KIAA1958: variants seen among roughly 807,000 people sequenced by gnomAD.
KIAA1958 encodes the protein uncharacterized protein KIAA1958.
Under a neutral mutation model 47.2 loss-of-function variants are expected in KIAA1958, and 14 were observed. The observed-to-expected ratio is 0.30, with a 90% CI of 0.20 to 0.46. The LOEUF is 0.46. Among genes scored for constraint, KIAA1958 ranks in the 20% least tolerant of loss-of-function variants. The probability of loss-of-function intolerance (pLI) is 1.00; values close to 1 mark genes in which losing one functional copy is unlikely to be tolerated. For missense variants in KIAA1958, 803 were observed against 909.2 expected (o/e 0.88, Z 1.50); for synonymous variants, 354 against 353.3 (o/e 1.00, Z -0.02).
chr9:112,507,852 T>C (rs1834257482), intron 1 of KIAA1958, among the ~76,000 whole-genome samples: 1 of 152,032 alleles, frequency 6.6e-6, no homozygotes, highest in Admixed American at 6.6e-5. Context: ...AGGCTGGTCT[T>C]GACTTCCTGG....
chr9:112,600,090 A>C (rs1836103371), intron 2 of KIAA1958, among the ~76,000 whole-genome samples: 1 of 152,212 alleles, frequency 6.6e-6, no homozygotes, highest in South Asian at 2.1e-4. Flanking sequence ...TCTTATTGTG[A>C]TTAATATAGT....
intron 2 of KIAA1958, among the ~76,000 whole-genome samples, chr9:112,588,929 T>A (rs946124139): frequency 6.6e-6 from 1 of 151,964 alleles, no homozygotes; most frequent in Middle Eastern, 3.2e-3. Flanking sequence ...TGCTGAAAAT[T>A]TCTTTCCTCT....
chr9:112,603,376 G>A (rs1300914439), intron 2 of KIAA1958, among the ~76,000 whole-genome samples: 1 of 152,098 alleles, frequency 6.6e-6, no homozygotes, highest in Non-Finnish European at 1.5e-5. Context: ...AATCAGGATT[G>A]GTGTCTTACA....
intron 1 of KIAA1958, among the ~76,000 whole-genome samples, chr9:112,566,687 C>T (rs1346810305): frequency 6.6e-6 from 1 of 152,098 alleles, no homozygotes; most frequent in African/African-American, 2.4e-5. Flanking sequence ...TTTCTCATTG[C>T]CCTACAACAC....
chr9:112,612,711 G>A (rs1383766638), intron 2 of KIAA1958, among the ~76,000 whole-genome samples: 1 of 152,204 alleles, frequency 6.6e-6, no homozygotes, highest in Non-Finnish European at 1.5e-5. Context: ...GTATAAGTTA[G>A]TTCAACATAT....
intron 1 of KIAA1958, among the ~76,000 whole-genome samples, chr9:112,533,254 C>G (rs988975055): frequency 2.6e-5 from 4 of 151,772 alleles, no homozygotes; most frequent in African/African-American, 9.7e-5. Context: ...AGGAGTACCT[C>G]GAACTGGGTA....
intron 1 of KIAA1958, among the ~76,000 whole-genome samples, chr9:112,526,956 C>T: frequency 6.6e-6 from 1 of 152,218 alleles, no homozygotes; most frequent in East Asian, 1.9e-4. Flanking sequence ...CTTCTACAGC[C>T]TGGGAGGTGT....
intron 1 of KIAA1958, among the ~76,000 whole-genome samples, chr9:112,505,349 G>A (rs1834214939): frequency 6.6e-6 from 1 of 152,116 alleles, no homozygotes; most frequent in African/African-American, 2.4e-5. Context: ...TTTAGTTTCC[G>A]CGTTTATAAA....
At chr9:112,549,414 G>A (rs1835100776) in intron 1 of KIAA1958, among the ~76,000 whole-genome samples, 1 of 152,184 alleles carries the variant, frequency 6.6e-6, no homozygotes, top group South Asian at 2.1e-4. Flanking sequence ...GGAAATGAAA[G>A]TGTTTGCTGT....
At chr9:112,589,074 C>T (rs996660879) in intron 2 of KIAA1958, among the ~76,000 whole-genome samples, 7 of 152,124 alleles carry the variant, frequency 4.6e-5, no homozygotes, top group Admixed American at 1.3e-4. Flanking sequence ...GCCACCGTGC[C>T]CAGCTCTCTA....
At chr9:112,561,095 C>A (rs959072623) in intron 1 of KIAA1958, among the ~76,000 whole-genome samples, 3 of 146,958 alleles carry the variant, frequency 2.0e-5, no homozygotes, top group Non-Finnish European at 4.5e-5. Context: ...TGCTCTGTTG[C>A]CCAGGCTGGA....
At chr9:112,503,925 T>TTATATATATA (rs5900006) in intron 1 of KIAA1958, among the ~76,000 whole-genome samples, 3 of 147,466 alleles carry the variant, frequency 2.0e-5, no homozygotes, top group East Asian at 4.0e-4. Flanking sequence ...GGGTTATAAA[T>TTATATATATA]TATATATATA....
chr9:112,581,084 A>C (rs1294722001), intron 2 of KIAA1958, among the ~76,000 whole-genome samples: 2 of 152,126 alleles, frequency 1.3e-5, no homozygotes, highest in Non-Finnish European at 2.9e-5. Context: ...GATCTCTTAG[A>C]GATGAATAGA....
intron 2 of KIAA1958, among the ~76,000 whole-genome samples, chr9:112,616,477 A>G (rs528257959): frequency 6.6e-6 from 1 of 152,252 alleles, no homozygotes; most frequent in Non-Finnish European, 1.5e-5. Context: ...GTAATTAGAA[A>G]GACTTCCGCT....
At chr9:112,597,758 A>T (rs1724799893) in intron 2 of KIAA1958, among the ~76,000 whole-genome samples, 1 of 152,236 alleles carries the variant, frequency 6.6e-6, no homozygotes, top group South Asian at 2.1e-4. Context: ...TGAAGCAAAT[A>T]TGCAAATAGT....
At chr9:112,535,703 G>C (rs191332406) in intron 1 of KIAA1958, among the ~76,000 whole-genome samples, 73 of 152,006 alleles carry the variant, frequency 4.8e-4, no homozygotes, top group African/African-American at 1.6e-3. Flanking sequence ...AGTGTACAAG[G>C]GTTCTCTTTT....
chr9:112,528,413 A>G (rs913745210), intron 1 of KIAA1958, among the ~76,000 whole-genome samples: 1 of 152,168 alleles, frequency 6.6e-6, no homozygotes, highest in Non-Finnish European at 1.5e-5. Flanking sequence ...GCATGCTCTC[A>G]TGATACCCAA....
intron 1 of KIAA1958, among the ~76,000 whole-genome samples, chr9:112,534,122 A>G (rs1304418971): frequency 1.3e-5 from 2 of 152,162 alleles, no homozygotes; most frequent in African/African-American, 2.4e-5. Context: ...TCATCTGTAA[A>G]GTGGGGAATA....
intron 2 of KIAA1958, among the ~76,000 whole-genome samples, chr9:112,632,866 A>C (rs1057007361): frequency 6.7e-5 from 10 of 150,042 alleles, no homozygotes; most frequent in Admixed American, 6.6e-4. Flanking sequence ...TTCTTTCCTC[A>C]ATCCCCAAAT....
Sources: gnomAD v4.1 joint callset for allele counts (sites outside exome capture counted in the v4.1 genomes callset) on GRCh38, gnomAD v4.1.1 for gene constraint, MANE v1.5 for transcripts, NCBI Gene and HGNC (gene_info 2026-07-23, HGNC 2026-07-21) for gene names.